CNTNAP5: variants seen among roughly 807,000 people sequenced by gnomAD.
The protein encoded by CNTNAP5 is contactin associated protein family member 5.
CNTNAP5 carries 72 observed loss-of-function variants against 150.2 expected under a neutral mutation model. The ratio of observed to expected loss-of-function variants is 0.48; its 90% CI spans 0.40 to 0.58. The LOEUF is 0.58. Ranked by LOEUF, CNTNAP5 falls within the 20% of genes least tolerant of loss-of-function variation. CNTNAP5 has a pLI of 0.00. For missense variants in CNTNAP5, 1,636 were observed against 1,626.2 expected (o/e 1.01, Z -0.10); for synonymous variants, 672 against 619.8 (o/e 1.08, Z -1.25).
At position 124,548,326 on chromosome 2, in the gene CNTNAP5, C is replaced by T. The variant is rs192326944; in HGVS notation, c.1650-14891C>T. ...CCTGTGGCCACCAGCAGTTTTATGG[C>T]GAGGCTGTGCTATACCACTGAGCGT... On this transcript the variant is annotated intron_variant, in intron 10 of 23. Transcript: ENST00000682447. 2.0e-4 allele frequency among the ~76,000 whole-genome samples: 31 copies of T among 152,182 alleles called. 1 individual carries two copies. The East Asian group carries it at 5.2e-3, about 26-fold the overall frequency.
chr2:124,027,375 T>C (rs1041534353), intron 1 of CNTNAP5, among the ~76,000 whole-genome samples: 2 of 152,196 alleles, frequency 1.3e-5, no homozygotes, highest in South Asian at 2.1e-4. Context: ...GTGTTTTCCC[T>C]TCAGCACAGC....
At chr2:124,897,019 C>A (rs944631826) in intron 21 of CNTNAP5, among the ~76,000 whole-genome samples, 2 of 151,574 alleles carry the variant, frequency 1.3e-5, no homozygotes, top group African/African-American at 4.9e-5. Flanking sequence ...TTCTATTCAT[C>A]ATTTAAGCCT....
chr2:124,690,024 A>ATT (rs34426663), intron 13 of CNTNAP5, among the ~76,000 whole-genome samples: 2 of 151,510 alleles, frequency 1.3e-5, no homozygotes, highest in South Asian at 2.1e-4. Flanking sequence ...CTTACGGGAA[A>ATT]TTTTTTTTTG....
chr2:124,429,879 G>T (rs988961676), intron 4 of CNTNAP5, among the ~76,000 whole-genome samples: 1 of 152,136 alleles, frequency 6.6e-6, no homozygotes, highest in Non-Finnish European at 1.5e-5. Context: ...CATCACACTT[G>T]GGCATAGGCA....
chr2:124,254,896 C>T (rs570928007), intron 3 of CNTNAP5, among the ~76,000 whole-genome samples: 23 of 152,214 alleles, frequency 1.5e-4, no homozygotes, highest in African/African-American at 2.9e-4. Context: ...CTTGTCCTAC[C>T]GCAGACACAG....
chr2:124,484,566 C>A (rs1693828514), intron 7 of CNTNAP5, among the ~76,000 whole-genome samples: 2 of 152,160 alleles, frequency 1.3e-5, no homozygotes, highest in South Asian at 4.1e-4. Flanking sequence ...ATATTATAGG[C>A]ATTGAATCAC....
intron 12 of CNTNAP5, among the ~76,000 whole-genome samples, chr2:124,645,561 C>T (rs1351179124): frequency 9.2e-6 from 1 of 109,016 alleles, no homozygotes; most frequent in African/African-American, 2.8e-5. Context: ...TAGCAAGCCC[C>T]TGTATCTAAA....
At position 124,919,062 on chromosome 2, in the gene CNTNAP5, T is replaced by C. The variant is rs909020686; in HGVS notation, c.*4774T>C. Among the ~76,000 whole-genome samples, 1 of 152,118 alleles carries C rather than the reference T, an allele frequency of 6.6e-6. No homozygotes were observed. The highest frequency in any genetic ancestry group is 2.4e-5 in the African/African-American group (1 of 41,454). ...CTACTCTGCAGATTTTTATTGTCTC[T>C]AATTATCAGCTCTGCCTTCACAAAT... On this transcript the variant is annotated 3_prime_UTR_variant, in exon 24 of 24. Coordinates refer to ENST00000682447, the MANE Select transcript of CNTNAP5 (RefSeq NM_001367498.1).
intron 12 of CNTNAP5, among the ~76,000 whole-genome samples, chr2:124,615,649 C>T (rs1019262144): frequency 1.3e-5 from 2 of 152,166 alleles, no homozygotes; most frequent in Non-Finnish European, 2.9e-5. Context: ...ATTTTGGCCT[C>T]TCCCATAAAT....
intron 3 of CNTNAP5, among the ~76,000 whole-genome samples, chr2:124,308,563 G>C (rs1688746023): frequency 6.6e-6 from 1 of 152,144 alleles, no homozygotes; most frequent in Admixed American, 6.5e-5. Flanking sequence ...ATTTAAACAG[G>C]CTTAAAAGGT....
intron 11 of CNTNAP5, among the ~76,000 whole-genome samples, chr2:124,581,689 AC>A (rs1259266760): frequency 5.3e-5 from 8 of 152,280 alleles, no homozygotes; most frequent in Non-Finnish European, 1.0e-4. Context: ...CCTCCCTTAT[AC>A]CCAAAGACCT....
At position 124,349,294 on chromosome 2, in the gene CNTNAP5, T is replaced by C. The variant is rs531626416; in HGVS notation, c.382-68149T>C. Among the ~76,000 whole-genome samples, 13 of 152,260 alleles carry C rather than the reference T, an allele frequency of 8.5e-5. No homozygotes were observed. In the East Asian group the frequency reaches 1.2e-3, roughly 14 times the overall value. ...GTACAGTGCTAAATACTATAGACAA[T>C]TGCAACATAATGGTGTTTGCATATC... On this transcript the variant is annotated intron_variant, in intron 3 of 23. Transcript: ENST00000682447.
intron 8 of CNTNAP5, among the ~76,000 whole-genome samples, chr2:124,510,186 T>C (rs1694524771): frequency 6.6e-6 from 1 of 150,874 alleles, no homozygotes. Context: ...CCAGCCTAGG[T>C]GACAGAGTGA....
intron 23 of CNTNAP5, among the ~76,000 whole-genome samples, chr2:124,912,222 G>A (rs2104769503): frequency 6.6e-6 from 1 of 152,202 alleles, no homozygotes; most frequent in African/African-American, 2.4e-5. Flanking sequence ...GCCTGTGAAA[G>A]ACCAAACTCA....
At chr2:124,136,898 A>G (rs1434717658) in intron 1 of CNTNAP5, among the ~76,000 whole-genome samples, 1 of 152,152 alleles carries the variant, frequency 6.6e-6, no homozygotes, top group Non-Finnish European at 1.5e-5. Context: ...CTCTTTTGTC[A>G]TTGTATATGC....
chr2:124,139,814 G>A (rs1157150446), intron 1 of CNTNAP5, among the ~76,000 whole-genome samples: 1 of 152,172 alleles, frequency 6.6e-6, no homozygotes, highest in East Asian at 1.9e-4. Flanking sequence ...AACAGCTCCG[G>A]TCTACAGCTC....
chr2:124,241,663 A>G (rs1248357944), intron 2 of CNTNAP5, among the ~76,000 whole-genome samples: 1 of 152,194 alleles, frequency 6.6e-6, no homozygotes, highest in Admixed American at 6.5e-5. Context: ...GATACTCTTC[A>G]AAGGCATAGT....
At chr2:124,682,702 T>G (rs1344621292) in intron 13 of CNTNAP5, among the ~76,000 whole-genome samples, 3 of 152,164 alleles carry the variant, frequency 2.0e-5, no homozygotes, top group Non-Finnish European at 4.4e-5. Context: ...TTATTTTGCC[T>G]GTATTTATGT....
rs181032944 is a variant in CNTNAP5, at chr2:124,402,456, T to C, written c.382-14987T>C. Among the ~76,000 whole-genome samples, 11 of 152,258 alleles carry C rather than the reference T, an allele frequency of 7.2e-5. No homozygotes were observed. The East Asian group carries it at 2.1e-3, about 30-fold the overall frequency. ...GAAGGGAGAGAACATGAGCACGTGATTGTCACTAGCACAGCTCTGAGAGCC... is the reference window on the plus strand; with the variant it reads ...GAAGGGAGAGAACATGAGCACGTGACTGTCACTAGCACAGCTCTGAGAGCC... On this transcript the variant is annotated intron_variant, in intron 3 of 23. Transcript: ENST00000682447.
Sources: allele counts gnomAD v4.1 joint callset (sites outside exome capture counted in the v4.1 genomes callset), GRCh38; gene constraint gnomAD v4.1.1; transcripts MANE v1.5; gene names NCBI Gene and HGNC (gene_info 2026-07-23, HGNC 2026-07-21).